Variants in EIPR1 observed in about 807,000 individuals in gnomAD.
EIPR1 encodes EARP and GARP complex-interacting protein 1.
A neutral mutation model predicts 48.1 loss-of-function variants in EIPR1; 25 were observed. The ratio of observed to expected loss-of-function variants is 0.52; its 90% CI spans 0.38 to 0.73. EIPR1 has a LOEUF of 0.73. Ranked by LOEUF, EIPR1 falls within the 30% of genes least tolerant of loss-of-function variation. The pLI, the probability that EIPR1 is intolerant of heterozygous loss-of-function variation, is 0.00. For synonymous variants in EIPR1, 204 were observed against 201.9 expected (o/e 1.01, Z -0.09); for missense variants, 415 against 506.2 (o/e 0.82, Z 1.73).
chr2:3,368,554 C>T (rs1055616358), intron 1 of EIPR1, among the ~76,000 whole-genome samples: 2 of 152,234 alleles, frequency 1.3e-5, no homozygotes, highest in African/African-American at 4.8e-5. Context: ...TAGAGGTTCA[C>T]TGTTCCCATC....
At chr2:3,375,397 A>AG (rs369378577) in intron 1 of EIPR1, among the ~76,000 whole-genome samples, 1 of 147,198 alleles carries the variant, frequency 6.8e-6, no homozygotes, top group Non-Finnish European at 1.5e-5. Flanking sequence ...TTAAAAAAAA[A>AG]AGAGAGAAAA....
At chr2:3,278,284 T>G (rs1434197460) in intron 3 of EIPR1, among the ~76,000 whole-genome samples, 1 of 152,158 alleles carries the variant, frequency 6.6e-6, no homozygotes, top group Non-Finnish European at 1.5e-5. Context: ...CCACACCACA[T>G]GCAGACTGTG....
chr2:3,273,419 C>G (rs1225720157), intron 3 of EIPR1, among the ~76,000 whole-genome samples: 1 of 152,194 alleles, frequency 6.6e-6, no homozygotes, highest in Non-Finnish European at 1.5e-5. Context: ...AGAGGAGATA[C>G]TAGGACCTCT....
chr2:3,233,516 C>T (rs1278137477), intron 4 of EIPR1, among the ~76,000 whole-genome samples: 1 of 152,196 alleles, frequency 6.6e-6, no homozygotes, highest in Non-Finnish European at 1.5e-5. Context: ...CCGGCATTCT[C>T]AGGGACACTG....
At chr2:3,368,455 T>C (rs1475596242) in intron 1 of EIPR1, among the ~76,000 whole-genome samples, 1 of 152,182 alleles carries the variant, frequency 6.6e-6, no homozygotes, top group Non-Finnish European at 1.5e-5. Context: ...GCCCTCACTC[T>C]GCCCACACCT....
chr2:3,207,667 C>G (rs1665284774), intron 5 of EIPR1: 1 of 152,172 alleles, frequency 6.6e-6, no homozygotes, highest in Non-Finnish European at 1.5e-5. Context: ...CTTAAAGACG[C>G]CTGGTTCTAA....
intron 3 of EIPR1, among the ~76,000 whole-genome samples, chr2:3,327,792 T>C (rs1336155940): frequency 1.3e-5 from 2 of 152,158 alleles, no homozygotes; most frequent in African/African-American, 4.8e-5. Context: ...CATGTAACCA[T>C]GGTTTTATTC....
intron 5 of EIPR1, among the ~76,000 whole-genome samples, chr2:3,212,748 G>A (rs1034355264): frequency 2.0e-5 from 3 of 152,142 alleles, no homozygotes; most frequent in Non-Finnish European, 4.4e-5. Flanking sequence ...AATGTCATTC[G>A]TTTCCTGTTT....
chr2:3,195,985 C>CA (rs1168821257), intron 6 of EIPR1, among the ~76,000 whole-genome samples: 1 of 152,136 alleles, frequency 6.6e-6, no homozygotes, highest in Non-Finnish European at 1.5e-5. Flanking sequence ...TCACATCCTT[C>CA]AAAAAACCAT....
At chr2:3,261,042 A>T in intron 3 of EIPR1, among the ~76,000 whole-genome samples, 1 of 152,218 alleles carries the variant, frequency 6.6e-6, no homozygotes, top group Non-Finnish European at 1.5e-5. Flanking sequence ...TGGCTTGTTG[A>T]TAATAAGCTT....
At chr2:3,248,542 C>T (rs1204687919) in intron 4 of EIPR1, among the ~76,000 whole-genome samples, 2 of 151,266 alleles carry the variant, frequency 1.3e-5, no homozygotes, top group Admixed American at 6.6e-5. Context: ...TGCAGTGAGC[C>T]GAGACTGCAC....
At chr2:3,235,526 G>A (rs1366776059) in intron 4 of EIPR1, among the ~76,000 whole-genome samples, 2 of 152,358 alleles carry the variant, frequency 1.3e-5, no homozygotes, top group East Asian at 3.9e-4. Flanking sequence ...AAGTGGGCCA[G>A]GTCCTTCAGG....
chr2:3,369,937 A>C (rs1002518595), intron 1 of EIPR1, among the ~76,000 whole-genome samples: 14 of 152,100 alleles, frequency 9.2e-5, no homozygotes, highest in African/African-American at 3.1e-4. Context: ...TGCCTCCTCA[A>C]GTGGGTCCTT....
Position 3,266,435 on chromosome 2 carries a change from T to C in EIPR1, c.260-8980A>G, listed in dbSNP as rs77536605. ...CTGAAGATCTGGGCCTAAAAATACC[T>C]TCCTCGATGGCCTTTTAAATGCCTT... is the stretch of plus-strand genomic sequence containing the variant. On this transcript the variant is annotated intron_variant, in intron 3 of 8. Transcript: ENST00000382125. Among the ~76,000 whole-genome samples, 249 of 152,370 alleles carry C rather than the reference T, an allele frequency of 1.6e-3. 6 individuals carry two copies. The East Asian group carries it at 0.045, about 27-fold the overall frequency.
chr2:3,255,778 G>A (rs1667136177), intron 4 of EIPR1, among the ~76,000 whole-genome samples: 1 of 152,098 alleles, frequency 6.6e-6, no homozygotes, highest in Non-Finnish European at 1.5e-5. Context: ...CCCTGGTGCC[G>A]GTGTCTCCTG....
intron 3 of EIPR1, among the ~76,000 whole-genome samples, chr2:3,287,563 G>A (rs190867491): frequency 1.3e-3 from 162 of 121,214 alleles, no homozygotes; most frequent in Non-Finnish European, 2.0e-3. Flanking sequence ...TCTAGAAAGC[G>A]CGTTCACCAC....
At chr2:3,311,091 A>G (rs975131051) in intron 3 of EIPR1, among the ~76,000 whole-genome samples, 8 of 152,324 alleles carry the variant, frequency 5.3e-5, no homozygotes, top group East Asian at 1.9e-4. Context: ...TCACATTGCA[A>G]TAGCTTGAAG....
intron 1 of EIPR1, among the ~76,000 whole-genome samples, chr2:3,376,647 C>A (rs375628400): frequency 6.7e-6 from 1 of 148,530 alleles, no homozygotes; most frequent in East Asian, 2.0e-4. Flanking sequence ...GCCGAGGTCA[C>A]GCCACTGCAC....
intron 1 of EIPR1, among the ~76,000 whole-genome samples, chr2:3,355,130 G>A (rs115630602): frequency 6.6e-6 from 1 of 152,230 alleles, no homozygotes; most frequent in African/African-American, 2.4e-5. Flanking sequence ...TCCAGGACAG[G>A]AGGAAGCCTA....
Sources: gnomAD v4.1 joint callset for allele counts (sites outside exome capture counted in the v4.1 genomes callset) on GRCh38, gnomAD v4.1.1 for gene constraint, MANE v1.5 for transcripts, NCBI Gene and HGNC (gene_info 2026-07-23, HGNC 2026-07-21) for gene names.